ITFG2: variants seen among roughly 807,000 people sequenced by gnomAD.
ITFG2 encodes the protein integrin alpha FG-GAP repeat containing 2.
A neutral mutation model predicts 54.4 loss-of-function variants in ITFG2; 36 were observed. That is an observed-to-expected ratio of 0.66 (90% CI 0.51 to 0.87). The LOEUF (loss-of-function observed/expected upper bound fraction) is 0.87, where lower values mean the gene tolerates loss of function less well. Among genes scored for constraint, ITFG2 ranks in the 40% least tolerant of loss-of-function variants. The pLI, the probability that ITFG2 is intolerant of heterozygous loss-of-function variation, is 0.00. For missense variants in ITFG2, 524 were observed against 576.7 expected (o/e 0.91, Z 0.94); for synonymous variants, 211 against 225.4 (o/e 0.94, Z 0.57).
chr12:2,813,656 T>C (rs560596960), intron 1 of ITFG2, among the ~76,000 whole-genome samples: 1 of 152,310 alleles, frequency 6.6e-6, no homozygotes, highest in Non-Finnish European at 1.5e-5. Flanking sequence ...TATCATCTAT[T>C]TCATAGTTCT....
chr12:2,854,428 G>C (rs2098080924), intron 2 of ITFG2, among the ~76,000 whole-genome samples: 1 of 152,216 alleles, frequency 6.6e-6, no homozygotes, highest in African/African-American at 2.4e-5. Flanking sequence ...CGGTGAGGGA[G>C]CTGAGGCTGG....
chr12:2,853,517 C>T (rs2098077801), intron 2 of ITFG2, among the ~76,000 whole-genome samples: 1 of 152,176 alleles, frequency 6.6e-6, no homozygotes, highest in Non-Finnish European at 1.5e-5. Context: ...AGGCGATCTG[C>T]CTGCCTTGGC....
chr12:2,858,555 CCTCA>C, intron 3 of ITFG2: 1 of 1,230,158 alleles, frequency 8.1e-7, no homozygotes, highest in Non-Finnish European at 1.1e-6. Context: ...TGCCTGCTGT[CCTCA>C]CTCAGAGGCT....
rs1451276532 is a variant in ITFG2 at position 2,821,278 on chromosome 12, C to G, written c.712C>G (p.Arg238Gly). The G allele has an allele frequency of 6.2e-7, 1 of 1,607,840 alleles. No individual in the cohort carries two copies. Among genetic ancestry groups the G allele is most frequent in the African/African-American group, 1.3e-5 (1 of 74,758 alleles). Residue 238 changes from arginine (R) to glycine (G), a missense_variant, in exon 7 of 12, where the codon CGA becomes GGA. By Grantham distance (125) the Arg-to-Gly change is moderately radical. Transcript: ENST00000228799. The stretch of plus-strand genomic sequence containing the variant: ...TGTGCACAGGGAGACCCCAGCTGCC[C>G]GAGACGTGGTGCTGCACCAGACATC... The part of the protein sequence containing the change: ...TDGSRETPAA[R>G]DVVLHQTSGR...
intron 4 of ITFG2, chr12:2,818,535 C>T (rs1196205471): frequency 3.0e-5 from 16 of 540,460 alleles, no homozygotes; most frequent in Non-Finnish European, 4.7e-5. Context: ...TGCTGCCTCT[C>T]GCCTGTGATA....
At chr12:2,837,206 G>A (rs914172387) in intron 1 of ITFG2, among the ~76,000 whole-genome samples, 13 of 151,940 alleles carry the variant, frequency 8.6e-5, no homozygotes, top group African/African-American at 2.7e-4. Flanking sequence ...GGCCGGGCGC[G>A]GTGGCTCACG....
In ITFG2 at chr12:2,823,659, C is replaced by T. The variant is rs780588618; in HGVS notation, c.1067-111C>T. On this transcript the variant is annotated intron_variant, in intron 10 of 11. Transcript: ENST00000228799. ...AAATAACCTTTAATTTTTTTCCTGACATCAGTGGGAGGATGGAAAGTGCTG... is the reference window on the plus strand; with the variant it reads ...AAATAACCTTTAATTTTTTTCCTGATATCAGTGGGAGGATGGAAAGTGCTG... 40 of 1,312,166 alleles carry T rather than the reference C, an allele frequency of 3.0e-5. 1 individual carries two copies. Among genetic ancestry groups the T allele is most frequent in the South Asian group, 1.2e-4 (6 of 51,946 alleles). 81.3% of individuals were successfully genotyped at this position (1,312,166 alleles called of 1,614,324 possible). A position where few individuals can be genotyped will look rare whatever the true frequency, so the allele number is the denominator to read the frequency against.
intron 2 of ITFG2, among the ~76,000 whole-genome samples, chr12:2,850,200 A>G (rs1272875748): frequency 1.3e-5 from 2 of 152,052 alleles, no homozygotes; most frequent in Admixed American, 1.3e-4. Context: ...CCTAGGCCGG[A>G]CCCAGTGGCT....
intron 2 of ITFG2, chr12:2,849,091 G>A (rs1276152453): frequency 4.8e-6 from 4 of 838,632 alleles, no homozygotes; most frequent in Non-Finnish European, 7.2e-6. Flanking sequence ...GTGGCTTGAG[G>A]CTGGGAGGAT....
intron 2 of ITFG2, chr12:2,830,673 T>G (rs1273539016): frequency 1.3e-6 from 2 of 1,585,136 alleles, no homozygotes; most frequent in East Asian, 4.5e-5. Flanking sequence ...CAGGCAGGGT[T>G]GTTAATGAAA....
intron 2 of ITFG2, chr12:2,817,574 C>T: frequency 5.7e-6 from 3 of 522,252 alleles, no homozygotes; most frequent in Non-Finnish European, 6.8e-6. Context: ...TGGAAGTTGC[C>T]TAAGGTTGTC....
chr12:2,834,107 G>T (rs2098016454), upstream of ITFG2, among the ~76,000 whole-genome samples: 1 of 152,206 alleles, frequency 6.6e-6, no homozygotes, highest in Non-Finnish European at 1.5e-5. Context: ...TTCCACTCAG[G>T]AGTTGGGGGA....
intron 8 of ITFG2, 44 bp from the exon 9 acceptor site, chr12:2,821,648 C>T (rs747385545): frequency 6.8e-6 from 11 of 1,613,254 alleles, no homozygotes; most frequent in African/African-American, 2.7e-5. Context: ...AGGGTCTGCT[C>T]GGGGCCTATC....
In ITFG2 at chr12:2,845,178, C is replaced by T. The variant is rs1418657635; in HGVS notation, n.300+4183C>T. Among the ~76,000 whole-genome samples, 1 of 152,116 alleles carries T rather than the reference C, an allele frequency of 6.6e-6. No individual in the cohort carries two copies. Among genetic ancestry groups the T allele is most frequent in the African/African-American group, 2.4e-5 (1 of 41,408 alleles). ...GGAAAAGAGGCATGAAGACAAGGGG[C>T]TCCCAGCAAGTGAGGCAGCGATGAG... On this transcript the variant is annotated intron_variant and non_coding_transcript_variant, in intron 2 of 3. Transcript: ENST00000537710. This position sits in a 1 kb window ranked among gnomAD's most constrained non-coding sequence, Gnocchi z 4.2.
upstream of ITFG2, among the ~76,000 whole-genome samples, chr12:2,836,366 T>C (rs2098027748): frequency 6.6e-6 from 1 of 152,198 alleles, no homozygotes; most frequent in Non-Finnish European, 1.5e-5. Flanking sequence ...AAGCACCTGT[T>C]TACCTGTGTT....
chr12:2,859,016 G>A (rs765810099), intron 3 of ITFG2: 9 of 1,612,006 alleles, frequency 5.6e-6, no homozygotes, highest in Non-Finnish European at 7.6e-6. Context: ...TTTGTACTGG[G>A]CTGAAATCCA....
At chr12:2,829,385 C>T (rs574834996), downstream of ITFG2, among the ~76,000 whole-genome samples, 5 of 152,258 alleles carry the variant, frequency 3.3e-5, no homozygotes, top group South Asian at 2.1e-4. Flanking sequence ...GATATGTTAC[C>T]GGAAGGTATA....
Position 2,824,617 on chromosome 12 carries a change from G to A in ITFG2, c.*424G>A. On this transcript the variant is annotated 3_prime_UTR_variant, in exon 12 of 12. Coordinates refer to ENST00000228799, the MANE Select transcript of ITFG2 (RefSeq NM_018463.4). ...CCCCATCTTAAGCTCTGTCTTCCGT[G>A]GCACAATTCCAAGTTCTTGACGTTA... The A allele has an allele frequency of 4.9e-6, 1 of 205,860 alleles. No individual in the cohort carries two copies. Among genetic ancestry groups the A allele is most frequent in the Non-Finnish European group, 1.0e-5 (1 of 99,816 alleles). 12.8% of individuals were successfully genotyped at this position (205,860 alleles called of 1,614,324 possible).
chr12:2,859,142 T>G, intron 3 of ITFG2: 1 of 1,605,562 alleles, frequency 6.2e-7, no homozygotes, highest in Non-Finnish European at 8.5e-7. Context: ...TCTTAAAAGG[T>G]CCTCCCACTT....
Sources: gnomAD v4.1 joint callset for allele counts (sites outside exome capture counted in the v4.1 genomes callset) on GRCh38, gnomAD v4.1.1 for gene constraint, Gnocchi (gnomAD v3.1) non-coding constraint, MANE v1.5 for transcripts, NCBI Gene and HGNC (gene_info 2026-07-23, HGNC 2026-07-21) for gene names.